TESMIN: variants seen among roughly 807,000 people sequenced by gnomAD.
TESMIN encodes testis expressed metallothionein like protein.
A neutral mutation model predicts 47.4 loss-of-function variants in TESMIN; 34 were observed. The observed-to-expected ratio is 0.72, with a 90% CI of 0.55 to 0.96. TESMIN has a LOEUF of 0.96. TESMIN is among the 40% of genes least tolerant of loss of function. The pLI is 0.00. For synonymous variants in TESMIN, 278 were observed against 258.9 expected, an observed-to-expected ratio of 1.07 and a Z score of -0.71; for missense variants, 610 against 637.2, an observed-to-expected ratio of 0.96 and a Z score of 0.46.
In TESMIN at chr11:68,750,565, G is replaced by T; in HGVS notation, c.96C>A (p.Asn32Lys). ...ACTTCACGGGGGCCTTCAGGCCGATGTTCTCCGAAGCGAACGGACCCTCGG... is the reference window on the plus strand; with the variant it reads ...ACTTCACGGGGGCCTTCAGGCCGATTTTCTCCGAAGCGAACGGACCCTCGG... The part of the protein sequence containing the change: ...LSPEGPFASE[N>K]IGLKAPVKYE... The change falls in exon 2 of 10, where the codon AAC becomes AAA. Residue 32 changes from asparagine to lysine, a missense_variant. Coordinates refer to ENST00000255087, the MANE Select transcript of TESMIN (RefSeq NM_004923.3). The T allele has an allele frequency of 6.2e-7, 1 of 1,607,790 alleles. No homozygotes were observed. The highest frequency in any genetic ancestry group is 8.5e-7 in the Non-Finnish European group (1 of 1,177,950).
chr11:68,749,983 A>T (rs1946569255), intron 2 of TESMIN, among the ~76,000 whole-genome samples: 1 of 152,004 alleles, frequency 6.6e-6, no homozygotes, highest in African/African-American at 2.4e-5. Context: ...CCTCCAGGGG[A>T]AAGGGCTTGG....
downstream of TESMIN, among the ~76,000 whole-genome samples, chr11:68,705,442 T>A (rs1216159681): frequency 1.3e-5 from 2 of 152,136 alleles, no homozygotes; most frequent in African/African-American, 2.4e-5. Flanking sequence ...CAAGCCGAGA[T>A]GAAAAATACA....
At chr11:68,715,795 G>A in intron 7 of TESMIN, 42 bp downstream of exon 7, 1 of 1,389,018 alleles carries the variant, frequency 7.2e-7, no homozygotes, top group Non-Finnish European at 1.0e-6. Context: ...CAAACAGTTT[G>A]AAATGCTTTT....
chr11:68,721,993 A>T (rs1215144269), intron 6 of TESMIN, among the ~76,000 whole-genome samples: 1 of 152,234 alleles, frequency 6.6e-6, no homozygotes, highest in Admixed American at 6.5e-5. Context: ...AAGGAGTGAA[A>T]GCAGGGACTC....
intron 6 of TESMIN, among the ~76,000 whole-genome samples, chr11:68,734,267 T>A (rs768413943): frequency 9.2e-5 from 14 of 152,198 alleles, no homozygotes; most frequent in Non-Finnish European, 1.9e-4. Flanking sequence ...CCCTCCTAAC[T>A]GCATTTGGCG....
rs1018258525 is a variant in TESMIN, at chr11:68,750,375, C to A, written c.286G>T (p.Glu96Ter). The A allele has an allele frequency of 2.6e-6, 4 of 1,512,744 alleles. No individual in the cohort carries two copies. Among genetic ancestry groups the A allele is most frequent in the South Asian group, 2.5e-5 (2 of 78,852 alleles). 93.7% of individuals were successfully genotyped at this position (1,512,744 alleles called of 1,614,324 possible). The part of the protein sequence containing the change: ...GDSDGGELLG[E>*]YPGIPELSAL... ...CTGAGCTCTGGGATCCCGGGGTACT[C>A]CCCGAGGAGCTCCCCGCCGTCGCTG... Residue 96 changes from glutamate (E) to a stop codon, truncating the protein, a stop_gained, in exon 2 of 10, where the codon GAG becomes TAG. Transcript: ENST00000255087. LOFTEE classifies it high-confidence loss of function.
rs182423012 is a variant in TESMIN at position 68,738,315 on chromosome 11, C to G, written c.917+385G>C. Reference sequence around the variant, plus strand: ...AGCTGGAGGGCACTCTGCAGCCCCCCGTTCATGCTGCATGGCTGCCACACC... The same window carrying G: ...AGCTGGAGGGCACTCTGCAGCCCCCGGTTCATGCTGCATGGCTGCCACACC... On this transcript the variant is annotated intron_variant, in intron 6 of 9. Transcript: ENST00000255087. 9.9e-6 allele frequency: 10 copies of G among 1,011,450 alleles called. No individual in the cohort carries two copies. The Admixed American group carries it at 3.2e-4, about 33-fold the overall frequency. 62.7% of individuals were successfully genotyped at this position (1,011,450 alleles called of 1,614,324 possible).
At chr11:68,748,467 A>G (rs1214695333) in intron 2 of TESMIN, among the ~76,000 whole-genome samples, 2 of 152,234 alleles carry the variant, frequency 1.3e-5, no homozygotes, top group African/African-American at 4.8e-5. Context: ...GATTTAACTT[A>G]TCTCCCTGTA....
At chr11:68,734,746 C>T (rs1270137607) in intron 6 of TESMIN, among the ~76,000 whole-genome samples, 1 of 152,216 alleles carries the variant, frequency 6.6e-6, no homozygotes, top group African/African-American at 2.4e-5. Flanking sequence ...CTGTCAGCCT[C>T]GCGCCATCTC....
At chr11:68,732,009 AT>A (rs1946332513) in intron 6 of TESMIN, among the ~76,000 whole-genome samples, 1 of 152,214 alleles carries the variant, frequency 6.6e-6, no homozygotes, top group Non-Finnish European at 1.5e-5. Context: ...ATTTCTCAGT[AT>A]GGAGCTACTA....
intron 6 of TESMIN, chr11:68,737,157 G>A: frequency 1.0e-6 from 1 of 985,340 alleles, no homozygotes; most frequent in Admixed American, 6.1e-5. Flanking sequence ...AGTCATTTTT[G>A]TTTGGTCCAG....
chr11:68,737,481 C>A lies in TESMIN; in HGVS notation c.917+1219G>T, dbSNP rs529842877. The A allele has an allele frequency of 1.9e-5, 19 of 985,738 alleles. No homozygotes were observed. In the African/African-American group the frequency reaches 3.3e-4, roughly 17 times the overall value. The allele number at this position is 985,738 out of a possible 1,614,324, so 61.1% of individuals were successfully genotyped here. Reference sequence around the variant, plus strand: ...CCCAAACCACTCTCCTCACACTTACCAAGGCCATCACGAAGCCATGCCCGA... The same window carrying A: ...CCCAAACCACTCTCCTCACACTTACAAAGGCCATCACGAAGCCATGCCCGA... On this transcript the variant is annotated intron_variant, in intron 6 of 9. Coordinates refer to ENST00000255087, the MANE Select transcript of TESMIN (RefSeq NM_004923.3).
At chr11:68,739,070 C>T (rs533181000) in intron 5 of TESMIN, among the ~76,000 whole-genome samples, 4 of 152,316 alleles carry the variant, frequency 2.6e-5, no homozygotes, top group African/African-American at 9.6e-5. Flanking sequence ...ATAGCTGTCA[C>T]TCAGCTGGCC....
intron 7 of TESMIN, 101 bp downstream of exon 7, chr11:68,715,734 CTG>C (rs1946128988): frequency 1.2e-6 from 1 of 827,020 alleles, no homozygotes; most frequent in Non-Finnish European, 1.9e-6. Context: ...TTCTTCAAAA[CTG>C]TGGGTTTTTT....
intron 6 of TESMIN, chr11:68,736,098 C>A: frequency 3.0e-6 from 3 of 985,368 alleles, no homozygotes; most frequent in Non-Finnish European, 3.6e-6. Flanking sequence ...AACAAGATAA[C>A]CTCATCTTTA....
At position 68,746,092 on chromosome 11, in the gene TESMIN, T is replaced by C. The variant is rs145474243; in HGVS notation, c.631-981A>G. On this transcript the variant is annotated intron_variant, in intron 3 of 9. Coordinates refer to ENST00000255087, the MANE Select transcript of TESMIN (RefSeq NM_004923.3). ...ATGGTCATTGGATCAATATTCCACA[T>C]CATCCTGACATCTGATGAGAGGCCA... is the stretch of plus-strand genomic sequence containing the variant. Among the ~76,000 whole-genome samples the C allele has an allele frequency of 2.0e-3, 298 of 152,304 alleles. 2 individuals are homozygous for C. The highest frequency in any genetic ancestry group is 6.7e-3 in the African/African-American group (278 of 41,554).
chr11:68,732,302 A>T (rs919014419), intron 6 of TESMIN, among the ~76,000 whole-genome samples: 2 of 152,226 alleles, frequency 1.3e-5, no homozygotes, highest in African/African-American at 4.8e-5. Context: ...CTGCTTCTAG[A>T]CAAGAAGCTG....
At chr11:68,749,830 C>A (rs1946567019) in intron 2 of TESMIN, among the ~76,000 whole-genome samples, 1 of 152,158 alleles carries the variant, frequency 6.6e-6, no homozygotes, top group Admixed American at 6.5e-5. Context: ...ACAATAGTTA[C>A]CAGCAGACAG....
At chr11:68,713,171 T>G in intron 8 of TESMIN, 99 bp downstream of exon 8, 1 of 1,222,258 alleles carries the variant, frequency 8.2e-7, no homozygotes, top group Non-Finnish European at 1.1e-6. Flanking sequence ...ATAATTATAT[T>G]TATCTTTTTA....
Sources: allele counts gnomAD v4.1 joint callset (sites outside exome capture counted in the v4.1 genomes callset), GRCh38; gene constraint gnomAD v4.1.1; transcripts MANE v1.5; gene names NCBI Gene and HGNC (gene_info 2026-07-23, HGNC 2026-07-21).